Variants in LBHD1 observed in about 807,000 individuals in gnomAD.
The protein encoded by LBHD1 is LBH domain-containing protein 1.
A neutral mutation model predicts 31.1 loss-of-function variants in LBHD1; 28 were observed. The observed-to-expected ratio is 0.90, with a 90% CI of 0.67 to 1.24. The LOEUF is 1.24. LBHD1 is among the 50% of genes most tolerant of loss of function. The probability of loss-of-function intolerance (pLI) is 0.00; values close to 1 mark genes in which losing one functional copy is unlikely to be tolerated. For synonymous variants in LBHD1, 105 were observed against 116.5 expected (o/e 0.90, Z 0.63); for missense variants, 350 against 323.0 (o/e 1.08, Z -0.64).
chr11:62,671,910 GC>G lies in LBHD1; in HGVS notation c.-358del. 1 of 1,613,336 alleles carries G rather than the reference GC, an allele frequency of 6.2e-7. No homozygotes were observed. Among genetic ancestry groups the G allele is most frequent in the Non-Finnish European group, 8.5e-7 (1 of 1,179,470 alleles). On this transcript the variant is annotated 5_prime_UTR_variant, in exon 1 of 7. Coordinates refer to ENST00000354588, the MANE Select transcript of LBHD1 (RefSeq NM_024099.5). ...CCGAGGAAGGGTGGGCGGGTGGAGA[GC>G]CCCGGACTGGAGCTCCTGCGAACTC...
At chr11:62,665,199 G>C in intron 4 of LBHD1, 1 of 805,284 alleles carries the variant, frequency 1.2e-6, no homozygotes, top group African/African-American at 1.7e-5. Flanking sequence ...TTCACGGTCC[G>C]TACTTCCGCT....
At position 62,671,839 on chromosome 11, in the gene LBHD1, G is replaced by C. The variant is rs887046191; in HGVS notation, c.-286C>G. On this transcript the variant is annotated 5_prime_UTR_variant, in exon 1 of 7. Transcript: ENST00000354588. ...GCTCCTCGTTATCGTGACCCCGGGA[G>C]AGCGGCGGAAGCAGGAAATGCTAAA... 3 of 1,614,054 alleles carry C rather than the reference G, an allele frequency of 1.9e-6. No individual in the cohort carries two copies. Among genetic ancestry groups the C allele is most frequent in the Non-Finnish European group, 2.5e-6 (3 of 1,180,044 alleles).
intron 4 of LBHD1, chr11:62,666,354 T>G: frequency 1.9e-6 from 3 of 1,598,094 alleles, no homozygotes; most frequent in Non-Finnish European, 2.5e-6. Flanking sequence ...GTTTTTGCAG[T>G]GGCGACATAG....
In LBHD1 at chr11:62,662,927, G is replaced by T; in HGVS notation, c.*202C>A. 1.4e-6 allele frequency: 1 copy of T among 737,148 alleles called. No individual in the cohort carries two copies. The highest frequency in any genetic ancestry group is 2.2e-6 in the Non-Finnish European group (1 of 455,658). 45.7% of individuals were successfully genotyped at this position (737,148 alleles called of 1,614,324 possible). A position where few individuals can be genotyped will look rare whatever the true frequency, so the allele number is the denominator to read the frequency against. ...AAAGACATCCCTCTAGGGGAGGTCA[G>T]TAGGCCATTAGGTAGGAGGAAATCT... On this transcript the variant is annotated 3_prime_UTR_variant, in exon 7 of 7. Coordinates refer to ENST00000354588, the MANE Select transcript of LBHD1 (RefSeq NM_024099.5).
chr11:62,672,209 C>G lies in LBHD1; in HGVS notation c.-656G>C. Reference sequence around the variant, plus strand: ...CGTGGGCCCAGCGGAGAGTCCGGACCGAGATACCATGCCAGGACTCTCCGG... The same window carrying G: ...CGTGGGCCCAGCGGAGAGTCCGGACGGAGATACCATGCCAGGACTCTCCGG... On this transcript the variant is annotated 5_prime_UTR_variant, in exon 1 of 7. Coordinates refer to ENST00000354588, the MANE Select transcript of LBHD1 (RefSeq NM_024099.5). 3.1e-6 allele frequency: 4 copies of G among 1,297,664 alleles called. No homozygotes were observed. Among genetic ancestry groups the G allele is most frequent in the Non-Finnish European group, 4.2e-6 (4 of 946,338 alleles). 80.4% of individuals were successfully genotyped at this position (1,297,664 alleles called of 1,614,324 possible). A position where few individuals can be genotyped will look rare whatever the true frequency, so the allele number is the denominator to read the frequency against.
At chr11:62,670,243 G>A in intron 1 of LBHD1, 2 of 585,206 alleles carry the variant, frequency 3.4e-6, no homozygotes, top group East Asian at 3.0e-5. Context: ...CACTGGGATG[G>A]CAACAAGGGT....
At chr11:62,666,668 G>A in intron 4 of LBHD1, 1 of 1,614,080 alleles carries the variant, frequency 6.2e-7, no homozygotes. Flanking sequence ...TGTGGCTGTG[G>A]CCCACATGAA....
intron 1 of LBHD1, chr11:62,671,168 C>A: frequency 2.5e-6 from 1 of 401,064 alleles, no homozygotes; most frequent in Non-Finnish European, 5.0e-6. Flanking sequence ...CCAAACAATA[C>A]CAAGTGTGTA....
intron 4 of LBHD1, 141 bp from the exon 5 acceptor site, chr11:62,665,114 G>T: frequency 7.8e-7 from 1 of 1,279,268 alleles, no homozygotes; most frequent in Non-Finnish European, 1.1e-6. Flanking sequence ...ACAAAGTCGC[G>T]GCCCCCACAC....
intron 4 of LBHD1, chr11:62,665,915 C>T (rs1474859180): frequency 6.2e-7 from 1 of 1,613,306 alleles, no homozygotes; most frequent in South Asian, 1.1e-5. Flanking sequence ...ACTTGCCGAG[C>T]CTGATGATGG....
intron 3 of LBHD1, 117 bp from the exon 4 acceptor site, chr11:62,667,864 G>A (rs995704357): frequency 6.9e-6 from 5 of 719,950 alleles, no homozygotes; most frequent in African/African-American, 1.8e-5. Flanking sequence ...GCCAAGGTGG[G>A]CAGATTGCTT....
At chr11:62,666,389 C>G in intron 4 of LBHD1, 1 of 1,607,196 alleles carries the variant, frequency 6.2e-7, no homozygotes, top group Non-Finnish European at 8.5e-7. Context: ...TCCAACCGTG[C>G]CCACAGGCTC....
At position 62,671,687 on chromosome 11, in the gene LBHD1, G is replaced by A. The variant is rs1944946974; in HGVS notation, c.-134C>T. 5.0e-6 allele frequency: 8 copies of A among 1,599,690 alleles called. No homozygotes were observed. Among genetic ancestry groups the A allele is most frequent in the Non-Finnish European group, 1.7e-6 (2 of 1,173,274 alleles). On this transcript the variant is annotated 5_prime_UTR_variant, in exon 1 of 7. Transcript: ENST00000354588. Reference sequence around the variant, plus strand: ...CGCCAAGGGGTAGTGAGACCGCGCGGCAACAGCTTGCGGCTGCGGGGAGCT... The same window carrying A: ...CGCCAAGGGGTAGTGAGACCGCGCGACAACAGCTTGCGGCTGCGGGGAGCT...
intron 4 of LBHD1, chr11:62,665,394 T>C (rs1469745463): frequency 1.6e-6 from 2 of 1,256,012 alleles, no homozygotes; most frequent in Non-Finnish European, 2.2e-6. Flanking sequence ...GGGTGCCGGG[T>C]GGAAGGCTCT....
intron 4 of LBHD1, chr11:62,665,939 C>T (rs748024340): frequency 6.2e-7 from 1 of 1,611,978 alleles, no homozygotes; most frequent in Non-Finnish European, 8.5e-7. Context: ...CGTGCCGCCC[C>T]TTTGCGGGTA....
Position 62,672,085 on chromosome 11 carries a change from G to A in LBHD1, c.-532C>T. On this transcript the variant is annotated 5_prime_UTR_variant, in exon 1 of 7. Transcript: ENST00000354588. ...GAGGAAGAACTGGATGGTTGGCGGC[G>A]AAGGCGGCGCCGGCGGGAGGTCACC... The A allele has an allele frequency of 1.9e-6, 3 of 1,599,042 alleles. No homozygotes were observed. Among genetic ancestry groups the A allele is most frequent in the Admixed American group, 1.8e-5 (1 of 57,034 alleles).
intron 4 of LBHD1, chr11:62,666,784 T>C: frequency 6.2e-7 from 1 of 1,614,098 alleles, no homozygotes; most frequent in Non-Finnish European, 8.5e-7. Flanking sequence ...GGGCTGTGGC[T>C]TCTTCAGGCT....
rs760627897 is a variant in LBHD1, at chr11:62,663,251, T to C, written c.746A>G (p.Glu249Gly). ...CCAGCCTCACCTTCCATGGCTGTCT[T>C]CTCTTTCTGGGCAAGCCGGATCTGC... is the stretch of plus-strand genomic sequence containing the variant. ...PPADPACPER[E>G]DSHGSGSPFK... is the part of the protein sequence containing the mutation. The change falls in exon 6 of 7, where the codon GAA becomes GGA. Residue 249 changes from glutamate to glycine, a missense_variant. By Grantham distance (98) the Glu-to-Gly change is moderately conservative. Coordinates refer to ENST00000354588, the MANE Select transcript of LBHD1 (RefSeq NM_024099.5). The C allele has an allele frequency of 3.1e-6, 5 of 1,614,166 alleles. No individual in the cohort carries two copies. The highest frequency in any genetic ancestry group is 4.2e-6 in the Non-Finnish European group (5 of 1,180,026).
chr11:62,665,706 A>T, intron 4 of LBHD1: 1 of 1,461,922 alleles, frequency 6.8e-7, no homozygotes, highest in Non-Finnish European at 9.0e-7. Context: ...GGCCGTTCCT[A>T]CCATAGTCTG....
Sources: allele counts gnomAD v4.1 joint callset, GRCh38; gene constraint gnomAD v4.1.1; transcripts MANE v1.5; gene names NCBI Gene and HGNC (gene_info 2026-07-23, HGNC 2026-07-21).